HS3ST4: variants seen among roughly 807,000 people sequenced by gnomAD.
The protein encoded by HS3ST4 is heparan sulfate-glucosamine 3-sulfotransferase 4.
In HS3ST4, 17 loss-of-function variants were observed where a neutral mutation model predicts 29.2. The ratio of observed to expected loss-of-function variants is 0.58; its 90% CI spans 0.40 to 0.87. The LOEUF (loss-of-function observed/expected upper bound fraction) is 0.87, where lower values mean the gene tolerates loss of function less well. Among genes scored for constraint, HS3ST4 ranks in the 40% least tolerant of loss-of-function variants. HS3ST4 has a pLI of 0.00. For missense variants in HS3ST4, 627 were observed against 634.5 expected, an observed-to-expected ratio of 0.99 and a Z score of 0.13; for synonymous variants, 314 against 285.7, an observed-to-expected ratio of 1.10 and a Z score of -1.00.
intron 1 of HS3ST4, among the ~76,000 whole-genome samples, chr16:25,892,146 C>T (rs982796526): frequency 1.3e-5 from 2 of 152,052 alleles, no homozygotes; most frequent in Non-Finnish European, 2.9e-5. Flanking sequence ...TTCAGGCCAA[C>T]CTGTTAGAAA....
chr16:25,999,780 ATT>A (rs1332997015), intron 1 of HS3ST4, among the ~76,000 whole-genome samples: 1 of 138,542 alleles, frequency 7.2e-6, no homozygotes, highest in Admixed American at 7.8e-5. Flanking sequence ...ATTTATATAT[ATT>A]ATATATATTT....
At chr16:26,090,374 C>T (rs1444080004) in intron 1 of HS3ST4, among the ~76,000 whole-genome samples, 1 of 151,998 alleles carries the variant, frequency 6.6e-6, no homozygotes, top group Non-Finnish European at 1.5e-5. Flanking sequence ...CTGTTGTCCA[C>T]GTTGGCCCAG....
At chr16:25,794,213 A>G (rs1225194414) in intron 1 of HS3ST4, among the ~76,000 whole-genome samples, 3 of 152,130 alleles carry the variant, frequency 2.0e-5, no homozygotes, top group African/African-American at 2.4e-5. Context: ...AGGCTTTTGC[A>G]TGATCATTGT....
intron 1 of HS3ST4, among the ~76,000 whole-genome samples, chr16:26,071,090 A>G (rs567297257): frequency 2.8e-4 from 42 of 152,262 alleles, no homozygotes; most frequent in Non-Finnish European, 5.9e-4. Flanking sequence ...AAAGAGGCTG[A>G]ATTGCTAATA....
chr16:25,697,930 C>G (rs1000811076), intron 1 of HS3ST4, among the ~76,000 whole-genome samples: 1 of 152,016 alleles, frequency 6.6e-6, no homozygotes, highest in Non-Finnish European at 1.5e-5. Flanking sequence ...CTCGGCCTCC[C>G]AAAGTGCTGG....
chr16:25,721,940 G>T (rs1182593514), intron 1 of HS3ST4, among the ~76,000 whole-genome samples: 2 of 152,234 alleles, frequency 1.3e-5, no homozygotes, highest in Admixed American at 1.3e-4. Flanking sequence ...CTGCAAGGAA[G>T]ACGTAGAAGA....
chr16:25,867,961 A>C (rs79417690), intron 1 of HS3ST4, among the ~76,000 whole-genome samples: 18,335 of 152,184 alleles, frequency 0.12, 1,406 homozygotes, highest in East Asian at 0.25. Flanking sequence ...ACAGGCAGAC[A>C]GGCAGGTGGT....
chr16:25,775,679 C>G (rs984785632), intron 1 of HS3ST4, among the ~76,000 whole-genome samples: 2 of 152,198 alleles, frequency 1.3e-5, no homozygotes, highest in African/African-American at 4.8e-5. Flanking sequence ...TTTCTGAATG[C>G]TCTTCCTCCT....
At chr16:25,813,946 G>T (rs1596578839) in intron 1 of HS3ST4, among the ~76,000 whole-genome samples, 1 of 152,206 alleles carries the variant, frequency 6.6e-6, no homozygotes, top group Non-Finnish European at 1.5e-5. Context: ...ACAAGCAGCT[G>T]ATGATACAGT....
chr16:26,053,140 T>C (rs112754319), intron 1 of HS3ST4, among the ~76,000 whole-genome samples: 12,245 of 152,306 alleles, frequency 0.08, 764 homozygotes, highest in African/African-American at 0.17. Context: ...TCTCCCGAGA[T>C]GCTTTCAGCT....
At chr16:25,806,748 A>G (rs1247359418) in intron 1 of HS3ST4, among the ~76,000 whole-genome samples, 1 of 152,210 alleles carries the variant, frequency 6.6e-6, no homozygotes, top group Non-Finnish European at 1.5e-5. Context: ...TGTCAAAATC[A>G]GGATATTGGC....
At chr16:25,807,486 C>T (rs1218974443) in intron 1 of HS3ST4, among the ~76,000 whole-genome samples, 3 of 152,126 alleles carry the variant, frequency 2.0e-5, no homozygotes, top group East Asian at 3.9e-4. Flanking sequence ...TTGTATGTAT[C>T]AGCAGTTACT....
intron 1 of HS3ST4, among the ~76,000 whole-genome samples, chr16:26,003,104 G>A (rs1164062667): frequency 2.0e-5 from 3 of 152,088 alleles, no homozygotes; most frequent in Non-Finnish European, 4.4e-5. Flanking sequence ...CAGATAGAAG[G>A]GATGGAAATC....
intron 1 of HS3ST4, among the ~76,000 whole-genome samples, chr16:26,089,726 G>A (rs376966352): frequency 1.2e-4 from 18 of 152,240 alleles, no homozygotes; most frequent in African/African-American, 3.6e-4. Context: ...GCTTCTGTTC[G>A]CTTTCATTTT....
intron 1 of HS3ST4, among the ~76,000 whole-genome samples, chr16:26,085,857 G>A (rs1898779974): frequency 6.6e-6 from 1 of 151,130 alleles, no homozygotes; most frequent in South Asian, 2.1e-4. Context: ...CTGGGTGACA[G>A]AGCGAGACCC....
At chr16:26,122,239 G>A (rs1567317342) in intron 1 of HS3ST4, among the ~76,000 whole-genome samples, 1 of 151,452 alleles carries the variant, frequency 6.6e-6, no homozygotes, top group Non-Finnish European at 1.5e-5. Context: ...ACACATGCGT[G>A]GCAACCTTTC....
At chr16:25,859,964 C>T (rs1396452786) in intron 1 of HS3ST4, among the ~76,000 whole-genome samples, 1 of 152,184 alleles carries the variant, frequency 6.6e-6, no homozygotes, top group African/African-American at 2.4e-5. Context: ...CCTGTCAGAT[C>T]AGCAGCGACA....
At chr16:26,096,744 A>G (rs528459239) in intron 1 of HS3ST4, among the ~76,000 whole-genome samples, 184 of 152,324 alleles carry the variant, frequency 1.2e-3, no homozygotes, top group Non-Finnish European at 2.4e-3. Flanking sequence ...AGTTCTGGCC[A>G]GGGCAATCAG....
chr16:25,747,055 G>T (rs566527132), intron 1 of HS3ST4, among the ~76,000 whole-genome samples: 1 of 152,012 alleles, frequency 6.6e-6, no homozygotes, highest in Non-Finnish European at 1.5e-5. Context: ...GATGGAAGTT[G>T]CTATGTTTTC....
Sources: gnomAD v4.1 joint callset for allele counts (sites outside exome capture counted in the v4.1 genomes callset) on GRCh38, gnomAD v4.1.1 for gene constraint, MANE v1.5 for transcripts, NCBI Gene and HGNC (gene_info 2026-07-23, HGNC 2026-07-21) for gene names.